Variants in DDHD1 observed in about 807,000 individuals in gnomAD.
DDHD1 encodes the protein phospholipase DDHD1.
Under a neutral mutation model 96.4 loss-of-function variants are expected in DDHD1, and 49 were observed. That is an observed-to-expected ratio of 0.51 (90% confidence interval 0.40 to 0.64). DDHD1 has a LOEUF of 0.64. Ranked by LOEUF, DDHD1 falls within the 30% of genes least tolerant of loss-of-function variation. The pLI is 0.00. For synonymous variants in DDHD1, 442 were observed against 446.5 expected (o/e 0.99, Z 0.13); for missense variants, 1,106 against 1,161.2 (o/e 0.95, Z 0.69).
In DDHD1 at chr14:53,046,012, T is replaced by C. The variant is rs748915579; in HGVS notation, c.*756A>G. 2 of 152,162 alleles carry C rather than the reference T, an allele frequency of 1.3e-5. No individual in the cohort carries two copies. The highest frequency in any genetic ancestry group is 2.9e-5 in the Non-Finnish European group (2 of 68,028). 9.4% of individuals were successfully genotyped at this position (152,162 alleles called of 1,614,324 possible). ...CATAATAAAAAGTTTATTTAAAAAA[T>C]TGAACTAGTGTTGTATGAAGCCATA... is the stretch of plus-strand genomic sequence containing the variant. On this transcript the variant is annotated 3_prime_UTR_variant, in exon 13 of 13. Transcript: ENST00000673822.
intron 3 of DDHD1, 21 bp downstream of exon 3, chr14:53,093,295 C>G (rs1566559017): frequency 6.3e-7 from 1 of 1,597,942 alleles, no homozygotes; most frequent in Non-Finnish European, 8.5e-7. Flanking sequence ...TTGATAAGCT[C>G]TAGTAATATT....
intron 1 of DDHD1, among the ~76,000 whole-genome samples, chr14:53,142,849 T>G (rs1485178165): frequency 6.6e-6 from 1 of 152,202 alleles, no homozygotes; most frequent in African/African-American, 2.4e-5. Flanking sequence ...ACAGAGGATC[T>G]AGGGCTGTGC....
At chr14:53,117,279 T>C (rs1025526229) in intron 1 of DDHD1, among the ~76,000 whole-genome samples, 2 of 152,118 alleles carry the variant, frequency 1.3e-5, no homozygotes, top group Non-Finnish European at 2.9e-5. Flanking sequence ...CTGGTTCATC[T>C]CATTGGGACT....
chr14:53,089,425 C>T (rs1886250543), intron 4 of DDHD1, among the ~76,000 whole-genome samples: 1 of 152,122 alleles, frequency 6.6e-6, no homozygotes, highest in African/African-American at 2.4e-5. Context: ...TACTACAAGG[C>T]TACAGTAACC....
At chr14:53,106,745 T>TTTTACTTTA (rs1195445527) in intron 1 of DDHD1, among the ~76,000 whole-genome samples, 32 of 152,316 alleles carry the variant, frequency 2.1e-4, no homozygotes, top group Admixed American at 1.8e-3. Flanking sequence ...AGGAAAAAAG[T>TTTTACTTTA]CTTTAAAATC....
At chr14:53,127,959 G>A (rs569404367) in intron 1 of DDHD1, among the ~76,000 whole-genome samples, 1 of 152,352 alleles carries the variant, frequency 6.6e-6, no homozygotes, top group Non-Finnish European at 1.5e-5. Context: ...ATCTTCACGT[G>A]TTGGGGGAGG....
At chr14:53,151,653 A>G (rs981942626) in intron 1 of DDHD1, among the ~76,000 whole-genome samples, 1 of 152,258 alleles carries the variant, frequency 6.6e-6, no homozygotes, top group African/African-American at 2.4e-5. Flanking sequence ...ACACAAAAAT[A>G]TGTAAATGAG....
At chr14:53,086,622 G>T (rs1299925342) in intron 4 of DDHD1, among the ~76,000 whole-genome samples, 1 of 152,006 alleles carries the variant, frequency 6.6e-6, no homozygotes, top group African/African-American at 2.4e-5. Flanking sequence ...GTCACCCCCG[G>T]GCCTGCCTTA....
At chr14:53,107,985 C>T (rs778345068) in intron 1 of DDHD1, among the ~76,000 whole-genome samples, 9 of 152,192 alleles carry the variant, frequency 5.9e-5, no homozygotes, top group Non-Finnish European at 1.3e-4. Flanking sequence ...GATATAAACT[C>T]AGGCATTCAA....
At chr14:53,123,655 G>A (rs1387007776) in intron 1 of DDHD1, among the ~76,000 whole-genome samples, 1 of 152,088 alleles carries the variant, frequency 6.6e-6, no homozygotes, top group Non-Finnish European at 1.5e-5. Context: ...GTTTTAGGAG[G>A]ATGCAAACAG....
rs954374677 is a variant in DDHD1, at chr14:53,112,450, C to G, written c.839-8594G>C. Among the ~76,000 whole-genome samples the G allele has an allele frequency of 2.6e-5, 4 of 151,694 alleles. No homozygotes were observed. In the South Asian group the frequency reaches 8.3e-4, roughly 31 times the overall value. On this transcript the variant is annotated intron_variant, in intron 1 of 12. Coordinates refer to ENST00000673822, the MANE Select transcript of DDHD1 (RefSeq NM_001160148.2). ...AAAAAAGTTACACAGTTTAATGTGA[C>G]ATGAATTGAGCTAGGTAAAATTAAT...
At position 53,046,786 on chromosome 14, in the gene DDHD1, G is replaced by A; in HGVS notation, c.2685C>T (p.Pro895=). The A allele has an allele frequency of 6.2e-7, 1 of 1,607,408 alleles. No homozygotes were observed. The highest frequency in any genetic ancestry group is 8.5e-7 in the Non-Finnish European group (1 of 1,176,860). ...YKHEHDDDAK[P]NLDPI ...AGAGAGTTCAGATTGGATCTAAATT[G>A]GGTTTTGCATCATCATCGTGCTCAT... The change falls in exon 13 of 13, where the codon CCC becomes CCT. Residue 895 remains proline (P), a synonymous_variant. Transcript: ENST00000673822.
In DDHD1 at chr14:53,153,221, A is replaced by T; in HGVS notation, c.-123T>A. The T allele has an allele frequency of 1.1e-6, 1 of 907,828 alleles. No individual in the cohort carries two copies. Among genetic ancestry groups the T allele is most frequent in the Non-Finnish European group, 1.5e-6 (1 of 671,992 alleles). 56.2% of individuals were successfully genotyped at this position (907,828 alleles called of 1,614,324 possible). ...TTCTAATCTTTCAAATCCCGACCCG[A>T]GCTGCGGCGGCAGCGGCGACCGCTC... On this transcript the variant is annotated 5_prime_UTR_variant, in exon 1 of 13. Coordinates refer to ENST00000673822, the MANE Select transcript of DDHD1 (RefSeq NM_001160148.2).
At chr14:53,081,761 C>T (rs1218662952) in intron 4 of DDHD1, among the ~76,000 whole-genome samples, 1 of 152,116 alleles carries the variant, frequency 6.6e-6, no homozygotes, top group Non-Finnish European at 1.5e-5. Context: ...CAATCCTTCA[C>T]TCCACAGGAT....
chr14:53,126,986 A>G (rs1401124537), intron 1 of DDHD1, among the ~76,000 whole-genome samples: 1 of 152,318 alleles, frequency 6.6e-6, no homozygotes, highest in Middle Eastern at 3.4e-3. Flanking sequence ...AAGAGAAACT[A>G]AAATTTTTTA....
chr14:53,132,549 C>A (rs1259751721), intron 1 of DDHD1, among the ~76,000 whole-genome samples: 4 of 152,292 alleles, frequency 2.6e-5, no homozygotes, highest in Non-Finnish European at 2.9e-5. Context: ...GCAAGCCGAA[C>A]TCACTGTCTT....
chr14:53,091,739 T>G (rs769363031), intron 4 of DDHD1, 46 bp downstream of exon 4: 3 of 1,586,958 alleles, frequency 1.9e-6, no homozygotes, highest in Non-Finnish European at 2.6e-6. Flanking sequence ...TGGATCAAAG[T>G]TTGGATTCTA....
chr14:53,134,592 A>G (rs1309187564), intron 1 of DDHD1, among the ~76,000 whole-genome samples: 1 of 135,276 alleles, frequency 7.4e-6, no homozygotes, highest in Non-Finnish European at 1.6e-5. Flanking sequence ...GACCTTACTC[A>G]CTGCTAAAAA....
chr14:53,129,336 C>G (rs1306086602), intron 1 of DDHD1, among the ~76,000 whole-genome samples: 7 of 152,236 alleles, frequency 4.6e-5, no homozygotes. Context: ...TCTTTTCACT[C>G]TCTTCTCCAA....
Sources: gnomAD v4.1 joint callset for allele counts (sites outside exome capture counted in the v4.1 genomes callset) on GRCh38, gnomAD v4.1.1 for gene constraint, MANE v1.5 for transcripts, NCBI Gene and HGNC (gene_info 2026-07-23, HGNC 2026-07-21) for gene names.